BRAP: variants seen among roughly 807,000 people sequenced by gnomAD.
The protein encoded by BRAP is BRCA1 associated protein.
BRAP carries 42 observed loss-of-function variants against 73.4 expected under a neutral mutation model. The observed-to-expected ratio is 0.57, with a 90% CI of 0.45 to 0.74. BRAP has a LOEUF of 0.74. Among genes scored for constraint, BRAP ranks in the 30% least tolerant of loss-of-function variants. The pLI is 0.00. For synonymous variants in BRAP, 255 were observed against 267.4 expected (o/e 0.95, Z 0.45); for missense variants, 593 against 751.4 (o/e 0.79, Z 2.46).
chr12:111,647,476 TAGA>T lies in BRAP; in HGVS notation c.1415+2460_1415+2462del, dbSNP rs537831750. Among the ~76,000 whole-genome samples, 12 of 152,326 alleles carry T rather than the reference TAGA, an allele frequency of 7.9e-5. No homozygotes were observed. In the South Asian group the frequency reaches 2.1e-3, roughly 26 times the overall value. ...ATTTATGTGGGCAGAGCTAAACATC[TAGA>T]AGAAGAAATATTCACTGGTACTGGT... is the stretch of plus-strand genomic sequence containing the variant. On this transcript the variant is annotated intron_variant, in intron 11 of 11. Transcript: ENST00000419234.
At chr12:111,681,872 T>C (rs374659444) in intron 2 of BRAP, 37 bp from the exon 3 acceptor site, 53 of 1,559,982 alleles carry the variant, frequency 3.4e-5, no homozygotes, top group Non-Finnish European at 4.6e-5. Flanking sequence ...TATAAATGGA[T>C]AGGACATATG....
intron 6 of BRAP, among the ~76,000 whole-genome samples, chr12:111,664,966 G>A (rs905781986): frequency 1.3e-5 from 2 of 152,164 alleles, no homozygotes; most frequent in Non-Finnish European, 1.5e-5. Flanking sequence ...ATTTACTTGT[G>A]TGATTTCATT....
intron 5 of BRAP, among the ~76,000 whole-genome samples, chr12:111,669,350 C>A (rs1887081759): frequency 6.6e-6 from 1 of 152,030 alleles, no homozygotes; most frequent in African/African-American, 2.4e-5. Context: ...CCTCAGCCTC[C>A]TGAGTAGCTA....
intron 10 of BRAP, among the ~76,000 whole-genome samples, chr12:111,654,474 C>T (rs920868935): frequency 2.0e-5 from 3 of 152,024 alleles, no homozygotes; most frequent in Non-Finnish European, 4.4e-5. Context: ...TGCCACCACG[C>T]CCGACCAGTT....
At chr12:111,660,121 G>C (rs1394143605) in intron 7 of BRAP, among the ~76,000 whole-genome samples, 1 of 151,574 alleles carries the variant, frequency 6.6e-6, no homozygotes, top group Non-Finnish European at 1.5e-5. Context: ...ACAGGAGCCT[G>C]AGTGATTAAA....
At chr12:111,645,254 C>T (rs972064266) in intron 11 of BRAP, among the ~76,000 whole-genome samples, 1 of 151,238 alleles carries the variant, frequency 6.6e-6, no homozygotes, top group Admixed American at 6.6e-5. Context: ...TTTTTAGTAG[C>T]GACGGGGTTT....
At chr12:111,661,786 A>G (rs2135909516) in intron 6 of BRAP, among the ~76,000 whole-genome samples, 2 of 149,082 alleles carry the variant, frequency 1.3e-5, no homozygotes, top group South Asian at 4.2e-4. Context: ...ATCTCAGCTC[A>G]CTGCAGCCTC....
chr12:111,665,609 T>G lies in BRAP; in HGVS notation c.896+30A>C, dbSNP rs781455800. The G allele has an allele frequency of 2.0e-5, 32 of 1,613,178 alleles. No individual in the cohort carries two copies. The highest frequency in any genetic ancestry group is 2.7e-5 in the Non-Finnish European group (32 of 1,179,426). ...TTCTGGAAGGGTTGCAATGGGCTTG[T>G]ACACAGAGGGGTTCGGCCCCTGCAC... On this transcript the variant is annotated intron_variant, in intron 6 of 11. Transcript: ENST00000419234. This position sits in a 1 kb window ranked among gnomAD's most constrained non-coding sequence, Gnocchi z 4.3.
In BRAP at chr12:111,649,997, C is replaced by A. The variant is rs565580287; in HGVS notation, c.1357G>T (p.Asp453Tyr). ...TKFKETIEKCDNLEHKLNDLL... is the reference protein window; with the variant it reads ...TKFKETIEKCYNLEHKLNDLL... The stretch of plus-strand genomic sequence containing the variant: ...TCATTTAGTTTGTGCTCTAGATTAT[C>A]ACACTTCTCAATTGTTTCTTTAAAC... Residue 453 changes from aspartate to tyrosine, a missense_variant, in exon 11 of 12, where the codon GAT (aspartate) becomes TAT (tyrosine). By Grantham distance (160) the Asp-to-Tyr change is radical (BLOSUM62 -3). This residue lies in a region of BRAP where 143 missense variants were observed against 190.4 expected (regional missense o/e 0.75). Transcript: ENST00000419234. The A allele has an allele frequency of 8.7e-6, 14 of 1,612,062 alleles. No homozygotes were observed. In the Admixed American group the frequency reaches 2.2e-4, roughly 25 times the overall value.
intron 1 of BRAP, among the ~76,000 whole-genome samples, chr12:111,683,746 G>A (rs1887691586): frequency 6.6e-6 from 1 of 152,096 alleles, no homozygotes; most frequent in Non-Finnish European, 1.5e-5. Context: ...TCACCATGTT[G>A]GACAGGCTGG....
In BRAP at chr12:111,672,656, C is replaced by G. The variant is rs754262990; in HGVS notation, c.747+5G>C. On this transcript the variant is annotated splice_donor_5th_base_variant and intron_variant, in intron 5 of 11. Transcript: ENST00000419234. ...TAATTAAATATAGGAACAATTCACACTTACATCTTCAGATTTGAGCACTTC... is the reference window on the plus strand; with the variant it reads ...TAATTAAATATAGGAACAATTCACAGTTACATCTTCAGATTTGAGCACTTC... 3 of 1,604,774 alleles carry G rather than the reference C, an allele frequency of 1.9e-6. No homozygotes were observed. The highest frequency in any genetic ancestry group is 2.6e-6 in the Non-Finnish European group (3 of 1,173,058).
intron 5 of BRAP, among the ~76,000 whole-genome samples, chr12:111,666,191 G>A (rs535211138): frequency 3.9e-5 from 6 of 152,266 alleles, no homozygotes; most frequent in South Asian, 2.1e-4. Context: ...GGAGTACAGC[G>A]GTGAACAAAA....
At position 111,685,748 on chromosome 12, in the gene BRAP, G is replaced by A. The variant is rs1887804581; in HGVS notation, c.45C>T (p.His15=). 3.1e-6 allele frequency: 5 copies of A among 1,609,876 alleles called. No individual in the cohort carries two copies. The highest frequency in any genetic ancestry group is 4.2e-6 in the Non-Finnish European group (5 of 1,178,946). Residue 15 remains histidine (H), a synonymous_variant, in exon 1 of 12, where the codon CAC becomes CAT. Transcript: ENST00000419234. ...AGCCGAAGCCGGCGGGGACAGGCGA[G>A]TGTTCCGCGAGCTCCAATCGGATAA... ...LVVIRLELAE[H]SPVPAGFGFS...
chr12:111,645,587 A>G (rs987782414), intron 11 of BRAP, among the ~76,000 whole-genome samples: 1 of 152,158 alleles, frequency 6.6e-6, no homozygotes, highest in Non-Finnish European at 1.5e-5. Context: ...CTGAAGGGGA[A>G]AAAAAGGGCA....
At position 111,665,569 on chromosome 12, in the gene BRAP, G is replaced by A; in HGVS notation, c.896+70C>T. ...ATACTTGGAATGGTTCATTTCTGCT[G>A]GTGGCTCTTTTTAATTCTGGAAGGG... On this transcript the variant is annotated intron_variant, in intron 6 of 11. Coordinates refer to ENST00000419234, the MANE Select transcript of BRAP (RefSeq NM_006768.5). This position sits in a 1 kb window ranked among gnomAD's most constrained non-coding sequence, Gnocchi z 4.3. The A allele has an allele frequency of 6.4e-7, 1 of 1,568,140 alleles. No homozygotes were observed. The highest frequency in any genetic ancestry group is 8.7e-7 in the Non-Finnish European group (1 of 1,147,244).
chr12:111,661,683 T>A (rs371500997), intron 6 of BRAP, among the ~76,000 whole-genome samples: 22 of 151,898 alleles, frequency 1.4e-4, no homozygotes, highest in African/African-American at 4.8e-4. Context: ...TCCTAAGAAT[T>A]GGATTTAAAA....
At chr12:111,683,359 G>A (rs555792778) in intron 1 of BRAP, 52 bp from the exon 2 acceptor site, 2 of 1,534,454 alleles carry the variant, frequency 1.3e-6, no homozygotes, top group East Asian at 2.3e-5. Flanking sequence ...GCTCCTCTCT[G>A]TTCTCTATTC....
chr12:111,683,843 A>C (rs1013689037), intron 1 of BRAP, among the ~76,000 whole-genome samples: 2 of 152,064 alleles, frequency 1.3e-5, no homozygotes, highest in Non-Finnish European at 2.9e-5. Flanking sequence ...CGCCTGGCCC[A>C]AAATCATGCA....
At chr12:111,649,893 TCTGTTTATAGAGC>T in intron 11 of BRAP, 33 bp downstream of exon 11, 1 of 1,329,896 alleles carries the variant, frequency 7.5e-7, no homozygotes, top group Non-Finnish European at 1.1e-6. Context: ...AAAGAAACTG[TCTGTTTATAGAGC>T]CTGTTACAAC....
Sources: gnomAD v4.1 joint callset for allele counts (sites outside exome capture counted in the v4.1 genomes callset) on GRCh38, gnomAD v4.1.1 for gene constraint, gnomAD v4.1.1 regional missense constraint, Gnocchi (gnomAD v3.1) non-coding constraint, MANE v1.5 for transcripts, NCBI Gene and HGNC (gene_info 2026-07-23, HGNC 2026-07-21) for gene names.